The following RABGAP1L variants were observed in gnomAD, a reference collection of about 807,000 sequenced individuals.
RABGAP1L encodes the protein rab GTPase-activating protein 1-like.
Under a neutral mutation model 137.7 loss-of-function variants are expected in RABGAP1L, and 63 were observed. The observed-to-expected ratio is 0.46, with a 90% CI of 0.37 to 0.56. RABGAP1L has a LOEUF of 0.56. RABGAP1L is among the 20% of genes least tolerant of loss of function. RABGAP1L has a pLI of 0.00. For synonymous variants in RABGAP1L, 431 were observed against 433.7 expected, an observed-to-expected ratio of 0.99 and a Z score of 0.08; for missense variants, 1,095 against 1,244.0, an observed-to-expected ratio of 0.88 and a Z score of 1.80.
chr1:174,765,219 A>G (rs903834228), intron 18 of RABGAP1L, among the ~76,000 whole-genome samples: 4 of 152,174 alleles, frequency 2.6e-5, no homozygotes, highest in African/African-American at 7.2e-5. Context: ...ACCTTAGTGG[A>G]CATGAAGTGA....
At chr1:174,899,191 C>T (rs6700434) in intron 19 of RABGAP1L, among the ~76,000 whole-genome samples, 11,099 of 151,550 alleles carry the variant, frequency 0.073, 603 homozygotes, top group East Asian at 0.31. Context: ...CAGAGACTTT[C>T]GGGAGAAAAC....
At chr1:174,268,053 C>A (rs1037526769) in intron 7 of RABGAP1L, among the ~76,000 whole-genome samples, 7 of 152,170 alleles carry the variant, frequency 4.6e-5, no homozygotes, top group African/African-American at 1.7e-4. Context: ...TTTGCTTTAG[C>A]CCCTTTGGGG....
In RABGAP1L at chr1:174,718,333, TCTC is replaced by T. The variant is rs555099322; in HGVS notation, c.2169+16081_2169+16083del. On this transcript the variant is annotated intron_variant, in intron 17 of 25. Coordinates refer to ENST00000681986, the MANE Select transcript of RABGAP1L (RefSeq NM_001366446.1). ...TACCGTATATAAGCCAAACAGACATTCTCCTCTGCCAGAATGCTCATCTGTTGG... is the reference window on the plus strand; with the variant it reads ...TACCGTATATAAGCCAAACAGACATTCTCTGCCAGAATGCTCATCTGTTGG... Among the ~76,000 whole-genome samples, 68 of 152,254 alleles carry T rather than the reference TCTC, an allele frequency of 4.5e-4. 1 individual carries two copies. The highest frequency in any genetic ancestry group is 1.6e-3 in the African/African-American group (65 of 41,542).
chr1:174,924,116 CA>C (rs1442563476), intron 19 of RABGAP1L, among the ~76,000 whole-genome samples: 10 of 151,970 alleles, frequency 6.6e-5, no homozygotes, highest in Non-Finnish European at 1.5e-4. Context: ...TGACTGGGCA[CA>C]GTGGCTCACA....
chr1:174,547,501 C>G (rs1666115188), intron 13 of RABGAP1L, among the ~76,000 whole-genome samples: 1 of 152,064 alleles, frequency 6.6e-6, no homozygotes, highest in Non-Finnish European at 1.5e-5. Context: ...CCTGTATGCC[C>G]AGGTACTTAG....
intron 13 of RABGAP1L, among the ~76,000 whole-genome samples, chr1:174,530,681 A>C (rs1664311738): frequency 6.6e-6 from 1 of 152,134 alleles, no homozygotes; most frequent in South Asian, 2.1e-4. Context: ...ACTTTCTGTT[A>C]AATCCCAGTG....
intron 19 of RABGAP1L, among the ~76,000 whole-genome samples, chr1:174,866,082 AAGGAG>A (rs1651153660): frequency 7.0e-6 from 1 of 143,814 alleles, no homozygotes; most frequent in Non-Finnish European, 1.5e-5. Context: ...AGAGAGAGTG[AAGGAG>A]AGGAGGGGAG....
intron 20 of RABGAP1L, 150 bp downstream of exon 20, chr1:174,957,699 G>A (rs746631095): frequency 3.0e-5 from 27 of 907,746 alleles, no homozygotes; most frequent in African/African-American, 5.2e-5. Flanking sequence ...TTACAGGCAC[G>A]AGCCACCATT....
chr1:174,826,705 T>C (rs1311829361), intron 19 of RABGAP1L, among the ~76,000 whole-genome samples: 3 of 152,238 alleles, frequency 2.0e-5, no homozygotes, highest in African/African-American at 7.2e-5. Context: ...CAACATTTCT[T>C]TGATAAATCT....
intron 18 of RABGAP1L, among the ~76,000 whole-genome samples, chr1:174,759,738 A>G (rs997532346): frequency 1.3e-5 from 2 of 152,206 alleles, no homozygotes; most frequent in African/African-American, 4.8e-5. Flanking sequence ...GCTGTATATC[A>G]CATGACAAGA....
At chr1:174,616,261 T>TGGAAGTCTGTGAATC (rs751283044) in intron 13 of RABGAP1L, among the ~76,000 whole-genome samples, 85 of 152,130 alleles carry the variant, frequency 5.6e-4, no homozygotes, top group Non-Finnish European at 8.7e-4. Flanking sequence ...AATTTTGGTT[T>TGGAAGTCTGTGAATC]GGAAGTCTGT....
intron 11 of RABGAP1L, among the ~76,000 whole-genome samples, chr1:174,311,521 T>TA (rs1678850542): frequency 6.6e-6 from 1 of 152,226 alleles, no homozygotes; most frequent in South Asian, 2.1e-4. Context: ...AGTGAGAACA[T>TA]ACAATGTTTG....
At chr1:174,275,297 C>T (rs1674895617) in intron 8 of RABGAP1L, 2 of 152,052 alleles carry the variant, frequency 1.3e-5, no homozygotes, top group Admixed American at 6.6e-5. Flanking sequence ...ATATAAATAT[C>T]TGACATATAG....
chr1:174,715,363 C>T (rs1269928359), intron 17 of RABGAP1L, among the ~76,000 whole-genome samples: 2 of 152,126 alleles, frequency 1.3e-5, no homozygotes, highest in Middle Eastern at 3.2e-3. Flanking sequence ...AAAAATGAGA[C>T]CTTTCATTGA....
At chr1:174,601,280 CGAAGGTCTCT>C (rs1670393062) in intron 13 of RABGAP1L, among the ~76,000 whole-genome samples, 1 of 152,188 alleles carries the variant, frequency 6.6e-6, no homozygotes, top group South Asian at 2.1e-4. Context: ...GGGGCTGCTG[CGAAGGTCTCT>C]GACATGGCCT....
chr1:174,812,771 A>G (rs1690003750), intron 19 of RABGAP1L, among the ~76,000 whole-genome samples: 1 of 152,182 alleles, frequency 6.6e-6, no homozygotes, highest in Non-Finnish European at 1.5e-5. Flanking sequence ...GGGAGGTTGG[A>G]TTAGTGGGGG....
intron 12 of RABGAP1L, among the ~76,000 whole-genome samples, chr1:174,385,228 G>T (rs1686659131): frequency 6.6e-6 from 1 of 152,210 alleles, no homozygotes; most frequent in African/African-American, 2.4e-5. Flanking sequence ...TATATTTTAA[G>T]AGAGTACTGA....
chr1:174,238,719 T>C (rs1293414918), intron 4 of RABGAP1L: 1 of 150,076 alleles, frequency 6.7e-6, no homozygotes, highest in African/African-American at 2.5e-5. Flanking sequence ...TGCTGTCTTT[T>C]TGTTTGTCTG....
chr1:174,649,539 C>G (rs1675278465), intron 14 of RABGAP1L, among the ~76,000 whole-genome samples: 1 of 152,124 alleles, frequency 6.6e-6, no homozygotes, highest in Non-Finnish European at 1.5e-5. Flanking sequence ...CCACTCTCTT[C>G]TGGCTTGTAG....
Sources: allele counts gnomAD v4.1 joint callset (sites outside exome capture counted in the v4.1 genomes callset), GRCh38; gene constraint gnomAD v4.1.1; transcripts MANE v1.5; gene names NCBI Gene and HGNC (gene_info 2026-07-23, HGNC 2026-07-21).